LACTB2: variants seen among roughly 807,000 people sequenced by gnomAD.
LACTB2 encodes the protein lactamase beta 2.
LACTB2 carries 32 observed loss-of-function variants against 34.8 expected under a neutral mutation model. The ratio of observed to expected loss-of-function variants is 0.92; its 90% CI spans 0.69 to 1.24. The LOEUF is 1.24. Ranked by LOEUF, LACTB2 falls within the 50% of genes most tolerant of loss-of-function variation. The pLI, the probability that LACTB2 is intolerant of heterozygous loss-of-function variation, is 0.00. For synonymous variants in LACTB2, 120 were observed against 117.5 expected (o/e 1.02, Z -0.14); for missense variants, 320 against 345.0 (o/e 0.93, Z 0.57).
chr8:70,640,922 G>C lies in LACTB2; in HGVS notation c.721C>G (p.Leu241Val). The part of the protein sequence containing the change: ...NFEKSFTVME[L>V]VKIIYKNTPE... ...ATTACCTTGTAAATAATTTTTACAA[G>C]CTCCATTACTGTAAATGATTTCTCA... Residue 241 changes from leucine to valine, a missense_variant, in exon 5 of 7, where the codon CTT becomes GTT. Physicochemically the swap from Leu to Val is conservative, Grantham distance 32. Transcript: ENST00000276590. The C allele has an allele frequency of 6.3e-7, 1 of 1,577,194 alleles. No homozygotes were observed. Among genetic ancestry groups the C allele is most frequent in the Non-Finnish European group, 8.6e-7 (1 of 1,166,928 alleles).
At chr8:70,668,748 GTTTTTTTTTT>G (rs990900411) in intron 1 of LACTB2, among the ~76,000 whole-genome samples, 14 of 103,732 alleles carry the variant, frequency 1.3e-4, no homozygotes, top group African/African-American at 2.5e-4. Flanking sequence ...CAAAACAGAA[GTTTTTTTTTT>G]TTTTTTTTTT....
intron 2 of LACTB2, chr8:70,661,075 C>A (rs1818476160): frequency 2.2e-6 from 1 of 454,410 alleles, no homozygotes; most frequent in Non-Finnish European, 4.4e-6. Flanking sequence ...CCACTGCACC[C>A]AGCCTGATCT....
chr8:70,645,292 A>AT (rs1186450900), intron 3 of LACTB2, among the ~76,000 whole-genome samples: 3 of 151,896 alleles, frequency 2.0e-5, no homozygotes, highest in Non-Finnish European at 4.4e-5. Flanking sequence ...ATTTATTTTT[A>AT]TTTTTTTGTA....
At chr8:70,667,729 A>T (rs1818550137) in intron 1 of LACTB2, among the ~76,000 whole-genome samples, 1 of 152,218 alleles carries the variant, frequency 6.6e-6, no homozygotes, top group African/African-American at 2.4e-5. Context: ...TTTCAAACAG[A>T]ATCAGCCATC....
At chr8:70,649,149 C>T (rs989677079) in intron 3 of LACTB2, among the ~76,000 whole-genome samples, 1 of 152,140 alleles carries the variant, frequency 6.6e-6, no homozygotes, top group Non-Finnish European at 1.5e-5. Flanking sequence ...CAGAAAGCTA[C>T]TGGAGATGGG....
At chr8:70,638,746 T>TC (rs1387322381) in intron 5 of LACTB2, 117 bp from the exon 6 acceptor site, 1 of 590,634 alleles carries the variant, frequency 1.7e-6, no homozygotes, top group East Asian at 6.7e-5. Flanking sequence ...TTAAACACAT[T>TC]TTTTTTTTTT....
At chr8:70,638,669 T>TTAA in intron 5 of LACTB2, 40 bp from the exon 6 acceptor site, 1 of 1,339,798 alleles carries the variant, frequency 7.5e-7, no homozygotes, top group Non-Finnish European at 9.9e-7. Flanking sequence ...CCTTTTTTTT[T>TTAA]AAAAAAAAGA....
Position 70,643,583 on chromosome 8 carries a change from C to T in LACTB2, c.592+482G>A, listed in dbSNP as rs543107865. On this transcript the variant is annotated intron_variant, in intron 4 of 6. Coordinates refer to ENST00000276590, the MANE Select transcript of LACTB2 (RefSeq NM_016027.3). ...AGGCTGGCATGCAGTGGTGCAATCT[C>T]TGCTGACTGCAACTTCCACCTCCCA... Among the ~76,000 whole-genome samples the T allele has an allele frequency of 4.3e-3, 655 of 151,848 alleles. 6 individuals carry two copies. Among genetic ancestry groups the T allele is most frequent in the African/African-American group, 0.015 (618 of 41,414 alleles).
intron 3 of LACTB2, chr8:70,652,652 A>G (rs1818357003): frequency 6.6e-6 from 1 of 152,204 alleles, no homozygotes; most frequent in African/African-American, 2.4e-5. Context: ...AGCAAGCACA[A>G]GGGAGATTTC....
chr8:70,642,614 GCTGGGATTA>G lies in LACTB2; in HGVS notation c.592+1442_592+1450del, dbSNP rs1166214481. ...TTTTCCTGCCTCAGCCTCTTGAGAA[GCTGGGATTA>G]CAGGTGCCCACCAAGACGCTTGGCT... On this transcript the variant is annotated intron_variant, in intron 4 of 6. Coordinates refer to ENST00000276590, the MANE Select transcript of LACTB2 (RefSeq NM_016027.3). Among the ~76,000 whole-genome samples the G allele has an allele frequency of 2.7e-5, 4 of 150,758 alleles. No individual in the cohort carries two copies. In the Admixed American group the frequency reaches 2.7e-4, roughly 10 times the overall value.
intron 1 of LACTB2, among the ~76,000 whole-genome samples, chr8:70,668,534 T>G (rs1384090896): frequency 6.6e-6 from 1 of 152,174 alleles, no homozygotes. Context: ...GCCAGGAGAA[T>G]CCTGCCCTCT....
At chr8:70,653,542 C>A (rs1818372567) in intron 3 of LACTB2, among the ~76,000 whole-genome samples, 1 of 152,140 alleles carries the variant, frequency 6.6e-6, no homozygotes, top group African/African-American at 2.4e-5. Context: ...TGTCTATTTG[C>A]CTCTTTAAAG....
chr8:70,649,253 G>A (rs977429321), intron 3 of LACTB2, among the ~76,000 whole-genome samples: 1 of 152,138 alleles, frequency 6.6e-6, no homozygotes, highest in African/African-American at 2.4e-5. Context: ...CCCCAGGTGA[G>A]AGTGCAGGGA....
chr8:70,648,418 G>T lies in LACTB2; in HGVS notation c.414-4175C>A, dbSNP rs578059050. On this transcript the variant is annotated intron_variant, in intron 3 of 6. Transcript: ENST00000276590. The stretch of plus-strand genomic sequence containing the variant: ...AGAAGAAATTGCAACTATGAAACAA[G>T]ATTAGGTTAGTATAAAAGCAACATT... 3.9e-5 allele frequency among the ~76,000 whole-genome samples: 6 copies of T among 152,184 alleles called. No homozygotes were observed. In the South Asian group the frequency reaches 1.2e-3, roughly 32 times the overall value.
At chr8:70,647,658 A>G (rs964836463) in intron 3 of LACTB2, among the ~76,000 whole-genome samples, 1 of 152,206 alleles carries the variant, frequency 6.6e-6, no homozygotes, top group Admixed American at 6.5e-5. Flanking sequence ...ACCAGACAGG[A>G]GAAAATGGAA....
Position 70,657,856 on chromosome 8 carries a change from G to A in LACTB2, c.313C>T (p.Pro105Ser). ...ATTTCTTCTCTCTGAGGATTCCGTG[G>A]GAGTTTTTTAATGCAATAGGTAGTG... ...NDTTYCIKKL[P>S]RNPQREEIIG... is the part of the protein sequence containing the mutation. Residue 105 changes from proline to serine, a missense_variant, in exon 3 of 7, where the codon CCA becomes TCA. Physicochemically the swap from Pro to Ser is moderately conservative, Grantham distance 74 (BLOSUM62 -1). Coordinates refer to ENST00000276590, the MANE Select transcript of LACTB2 (RefSeq NM_016027.3). 6.2e-7 allele frequency: 1 copy of A among 1,604,806 alleles called. No homozygotes were observed. The highest frequency in any genetic ancestry group is 8.5e-7 in the Non-Finnish European group (1 of 1,172,250).
At chr8:70,651,960 G>C (rs965174193) in intron 3 of LACTB2, 3 of 152,180 alleles carry the variant, frequency 2.0e-5, no homozygotes, top group African/African-American at 7.2e-5. Flanking sequence ...GACTCTCTTA[G>C]AGAATTCAAG....
chr8:70,641,485 G>A (rs185679500), intron 4 of LACTB2, among the ~76,000 whole-genome samples: 36 of 152,260 alleles, frequency 2.4e-4, no homozygotes, highest in East Asian at 7.7e-4. Flanking sequence ...TGAGACATAC[G>A]GAGGGTAAAT....
At chr8:70,668,977 G>A (rs996914777) in intron 1 of LACTB2, 22 bp downstream of exon 1, 2 of 1,567,900 alleles carry the variant, frequency 1.3e-6, no homozygotes, top group South Asian at 1.2e-5. Flanking sequence ...GAACGTTGGG[G>A]AGGTTGGAGA....
Sources: gnomAD v4.1 joint callset for allele counts (sites outside exome capture counted in the v4.1 genomes callset) on GRCh38, gnomAD v4.1.1 for gene constraint, MANE v1.5 for transcripts, NCBI Gene and HGNC (gene_info 2026-07-23, HGNC 2026-07-21) for gene names.